Variants in FA2H observed in about 807,000 individuals in gnomAD.
FA2H encodes the protein fatty acid alpha-hydroxylase.
FA2H carries 22 observed loss-of-function variants against 44.9 expected under a neutral mutation model. The observed-to-expected ratio is 0.49, with a 90% CI of 0.35 to 0.70. The LOEUF (loss-of-function observed/expected upper bound fraction) is 0.70. Ranked by LOEUF, FA2H falls within the 30% of genes least tolerant of loss-of-function variation. The pLI, the probability that FA2H is intolerant of heterozygous loss-of-function variation, is 0.01. For missense variants in FA2H, 501 were observed against 504.9 expected, an observed-to-expected ratio of 0.99 and a Z score of 0.07; for synonymous variants, 243 against 213.2, an observed-to-expected ratio of 1.14 and a Z score of -1.22.
intron 4 of FA2H, among the ~76,000 whole-genome samples, chr16:74,721,851 G>T (rs985961282): frequency 6.6e-6 from 1 of 152,228 alleles, no homozygotes; most frequent in East Asian, 1.9e-4. Flanking sequence ...CATCCTCCTT[G>T]CTTCTCAGGG....
At chr16:74,771,726 AC>A (rs1053590981) in intron 1 of FA2H, among the ~76,000 whole-genome samples, 2 of 151,938 alleles carry the variant, frequency 1.3e-5, no homozygotes, top group African/African-American at 4.8e-5. Flanking sequence ...CTGGGCCCTC[AC>A]CACACAATGC....
At chr16:74,726,467 C>A in intron 3 of FA2H, 136 bp from the exon 4 acceptor site, 1 of 611,044 alleles carries the variant, frequency 1.6e-6, no homozygotes, top group Non-Finnish European at 3.0e-6. Context: ...CGGCTCACTG[C>A]AACCTCTGCC....
chr16:74,727,143 TG>T, intron 3 of FA2H, 100 bp downstream of exon 3: 1 of 1,483,708 alleles, frequency 6.7e-7, no homozygotes, highest in Non-Finnish European at 9.3e-7. Flanking sequence ...AGCATAGACC[TG>T]GGCTCTGGGG....
intron 2 of FA2H, among the ~76,000 whole-genome samples, chr16:74,739,198 C>T (rs936382613): frequency 1.3e-5 from 2 of 152,180 alleles, no homozygotes; most frequent in Non-Finnish European, 2.9e-5. Flanking sequence ...AGGCTGTGAG[C>T]TCTCGCAGGG....
chr16:74,749,551 T>C (rs181798155), intron 1 of FA2H, among the ~76,000 whole-genome samples: 1 of 152,322 alleles, frequency 6.6e-6, no homozygotes, highest in Admixed American at 6.5e-5. Flanking sequence ...GTTGACTCTA[T>C]TCACCACGGA....
At chr16:74,759,945 A>G (rs1026281883) in intron 1 of FA2H, among the ~76,000 whole-genome samples, 1 of 152,122 alleles carries the variant, frequency 6.6e-6, no homozygotes, top group Non-Finnish European at 1.5e-5. Context: ...GGATCTACAA[A>G]GTTACCTTGT....
chr16:74,742,832 T>C (rs557863154), intron 1 of FA2H, among the ~76,000 whole-genome samples: 11 of 152,184 alleles, frequency 7.2e-5, no homozygotes, highest in African/African-American at 4.8e-5. Context: ...GAGTAAGACC[T>C]TGTCTCAAAA....
chr16:74,740,553 G>C (rs947157567), intron 1 of FA2H, among the ~76,000 whole-genome samples: 2 of 151,230 alleles, frequency 1.3e-5, no homozygotes, highest in Admixed American at 1.3e-4. Flanking sequence ...CCGGGAGGTA[G>C]AGGTTGCAGT....
chr16:74,768,405 G>A (rs776364480), intron 1 of FA2H, among the ~76,000 whole-genome samples: 69 of 152,142 alleles, frequency 4.5e-4, no homozygotes, highest in Non-Finnish European at 1.6e-4. Context: ...CCCTAGCTTC[G>A]TCCTCCAGGT....
At chr16:74,718,845 C>CCGTGAGTCACATCAAA (rs1374575549) in intron 5 of FA2H, 143 bp downstream of exon 5, 6 of 974,314 alleles carry the variant, frequency 6.2e-6, no homozygotes, top group Non-Finnish European at 6.2e-6. Flanking sequence ...CCCAGTTGCC[C>CCGTGAGTCACATCAAA]CGTGAGTCAC....
chr16:74,734,343 G>A (rs1244608670), intron 2 of FA2H, among the ~76,000 whole-genome samples: 3 of 152,372 alleles, frequency 2.0e-5, no homozygotes, highest in Non-Finnish European at 2.9e-5. Context: ...CTGCATGGGC[G>A]ACAGCACGGT....
In FA2H at chr16:74,723,778, C is replaced by A. The variant is rs1337012137; in HGVS notation, c.613+2447G>T. Among the ~76,000 whole-genome samples the A allele has an allele frequency of 2.0e-5, 3 of 152,218 alleles. No individual in the cohort carries two copies. In the East Asian group the frequency reaches 5.8e-4, roughly 29 times the overall value. On this transcript the variant is annotated intron_variant, in intron 4 of 6. Coordinates refer to ENST00000219368, the MANE Select transcript of FA2H (RefSeq NM_024306.5). The stretch of plus-strand genomic sequence containing the variant: ...GATTCAAATCCTGGCTCAGCACCGC[C>A]TAGGTGTTACAGTTTCCTCAGGGAA...
At position 74,774,677 on chromosome 16, in the gene FA2H, C is replaced by A; in HGVS notation, c.79G>T (p.Val27Phe). 1 of 1,408,574 alleles carries A rather than the reference C, an allele frequency of 7.1e-7. No homozygotes were observed. Among genetic ancestry groups the A allele is most frequent in the Non-Finnish European group, 9.2e-7 (1 of 1,085,534 alleles). 87.3% of individuals were successfully genotyped at this position (1,408,574 alleles called of 1,614,324 possible). ...QRRLAAGACW[V>F]RRGARLYDLS... is the part of the protein sequence containing the mutation. ...TCGTAGAGGCGGGCCCCGCGGCGGACCCAGCACGCGCCGGCCGCCAGGCGC... is the reference window on the plus strand; with the variant it reads ...TCGTAGAGGCGGGCCCCGCGGCGGAACCAGCACGCGCCGGCCGCCAGGCGC... Residue 27 changes from valine to phenylalanine, a missense_variant, in exon 1 of 7, where the codon GTC becomes TTC. Physicochemically the swap from Val to Phe is conservative, Grantham distance 50 (BLOSUM62 -1). Coordinates refer to ENST00000219368, the MANE Select transcript of FA2H (RefSeq NM_024306.5).
intron 4 of FA2H, among the ~76,000 whole-genome samples, chr16:74,725,538 G>C (rs559713474): frequency 6.6e-6 from 1 of 152,304 alleles, no homozygotes; most frequent in East Asian, 1.9e-4. Flanking sequence ...GGGCGCACCT[G>C]GTATCCACAT....
chr16:74,757,937 T>G (rs1202467045), intron 1 of FA2H, among the ~76,000 whole-genome samples: 1 of 152,116 alleles, frequency 6.6e-6, no homozygotes, highest in East Asian at 1.9e-4. Context: ...GAGGATCACC[T>G]GAGCCGGGGA....
intron 1 of FA2H, among the ~76,000 whole-genome samples, chr16:74,743,646 G>A (rs568651928): frequency 2.0e-5 from 3 of 152,304 alleles, no homozygotes; most frequent in African/African-American, 7.2e-5. Context: ...AGGGGAAGGG[G>A]GTCGGCATGG....
At chr16:74,722,605 T>C (rs1961863720) in intron 4 of FA2H, among the ~76,000 whole-genome samples, 1 of 151,710 alleles carries the variant, frequency 6.6e-6, no homozygotes, top group Non-Finnish European at 1.5e-5. Context: ...CATTGGCTTG[T>C]CAAGTCCTTA....
chr16:74,751,679 C>T (rs960429053), intron 1 of FA2H, among the ~76,000 whole-genome samples: 11 of 151,894 alleles, frequency 7.2e-5, no homozygotes, highest in South Asian at 2.1e-4. Context: ...AAATGACACA[C>T]GGACAGCAGC....
At chr16:74,760,226 G>A (rs1327436537) in intron 1 of FA2H, among the ~76,000 whole-genome samples, 4 of 152,150 alleles carry the variant, frequency 2.6e-5, no homozygotes, top group Non-Finnish European at 5.9e-5. Context: ...AGTCAGACCA[G>A]CCTCCAGGAC....
Sources: gnomAD v4.1 joint callset for allele counts (sites outside exome capture counted in the v4.1 genomes callset) on GRCh38, gnomAD v4.1.1 for gene constraint, MANE v1.5 for transcripts, NCBI Gene and HGNC (gene_info 2026-07-23, HGNC 2026-07-21) for gene names.